Variants in KANK1 observed in about 807,000 individuals in gnomAD.
The protein encoded by KANK1 is KN motif and ankyrin repeat domains 1, also known as KN motif and ankyrin repeat domain-containing protein 1.
KANK1 carries 109 observed loss-of-function variants against 106.2 expected under a neutral mutation model. The ratio of observed to expected loss-of-function variants is 1.03; its 90% CI spans 0.88 to 1.20. The LOEUF is 1.20. KANK1 is among the 50% of genes most tolerant of loss of function. KANK1 has a pLI of 0.00. For synonymous variants in KANK1, 873 were observed against 652.2 expected (o/e 1.34, Z -5.16); for missense variants, 2,399 against 1,710.7 (o/e 1.40, Z -7.10).
At chr9:648,244 C>A (rs762339023) in intron 1 of KANK1, among the ~76,000 whole-genome samples, 3 of 151,864 alleles carry the variant, frequency 2.0e-5, no homozygotes, top group Non-Finnish European at 4.4e-5. Flanking sequence ...CCCTGTGATC[C>A]GCCTGCCCCA....
intron 11 of KANK1, chr9:744,903 C>T: frequency 1.4e-6 from 2 of 1,416,684 alleles, no homozygotes; most frequent in Admixed American, 5.8e-5. Context: ...ATGGTTCTGG[C>T]ATTGTTCCTG....
chr9:705,429 T>C (rs908182077), intron 2 of KANK1, among the ~76,000 whole-genome samples: 1 of 152,060 alleles, frequency 6.6e-6, no homozygotes, highest in African/African-American at 2.4e-5. Flanking sequence ...GAGGTTGCAG[T>C]GAGCCAAGAT....
intron 1 of KANK1, among the ~76,000 whole-genome samples, chr9:512,408 C>T (rs753935142): frequency 6.6e-6 from 1 of 152,016 alleles, no homozygotes; most frequent in Non-Finnish European, 1.5e-5. Context: ...CCCTCCAGCT[C>T]AGGGAGGCCG....
In KANK1 at chr9:711,704, A is replaced by G. The variant is rs1011494670; in HGVS notation, c.938A>G (p.Gln313Arg). The G allele has an allele frequency of 1.2e-6, 2 of 1,614,248 alleles. No individual in the cohort carries two copies. Among genetic ancestry groups the G allele is most frequent in the Admixed American group, 3.3e-5 (2 of 60,034 alleles). The change falls in exon 3 of 12, where the codon CAG becomes CGG. Residue 313 changes from glutamine to arginine, a missense_variant. Transcript: ENST00000382297. Reference protein sequence around the residue: ...SQLKNQRAASQINVCGVRKRS... With the variant: ...SQLKNQRAASRINVCGVRKRS... ...CTGAAAAACCAAAGGGCTGCATCCC[A>G]GATCAATGTCTGTGGTGTGAGGAAG...
At chr9:497,722 G>A (rs111685894) in intron 3 of KANK1, among the ~76,000 whole-genome samples, 24,986 of 151,858 alleles carry the variant, frequency 0.16, 4,097 homozygotes, top group African/African-American at 0.43. Context: ...GCGTGGTGGC[G>A]TGTGCCTGTG....
chr9:739,241 T>A (rs1834669188), intron 8 of KANK1, among the ~76,000 whole-genome samples: 1 of 152,200 alleles, frequency 6.6e-6, no homozygotes, highest in African/African-American at 2.4e-5. Flanking sequence ...ACCCCAAGTC[T>A]TTTAATTTTT....
chr9:734,580 T>C (rs1047454333), intron 6 of KANK1, 168 bp from the exon 7 acceptor site: 4 of 506,350 alleles, frequency 7.9e-6, no homozygotes, highest in Admixed American at 3.1e-5. Context: ...GCAGGAGGAT[T>C]GCTTGAATCC....
chr9:696,944 A>C, intron 2 of KANK1, among the ~76,000 whole-genome samples: 1 of 152,230 alleles, frequency 6.6e-6, no homozygotes, highest in East Asian at 1.9e-4. Context: ...ATTGATGCAC[A>C]GATGAAGAAA....
chr9:618,590 A>G lies in KANK1; in HGVS notation c.-83-58300A>G, dbSNP rs56132356. 9.3e-3 allele frequency among the ~76,000 whole-genome samples: 1,421 copies of G among 152,246 alleles called. 30 individuals are homozygous for G. The highest frequency in any genetic ancestry group is 0.033 in the African/African-American group (1,366 of 41,516). On this transcript the variant is annotated intron_variant, in intron 1 of 11. Coordinates refer to ENST00000382297, the MANE Select transcript of KANK1 (RefSeq NM_015158.5). ...CGGAACAATTTTTTTTAAAGCAAAGATTGCATCATTTAAAAAAACATATTC... is the reference window on the plus strand; with the variant it reads ...CGGAACAATTTTTTTTAAAGCAAAGGTTGCATCATTTAAAAAAACATATTC...
chr9:527,161 C>G (rs2059827470), intron 1 of KANK1, among the ~76,000 whole-genome samples: 1 of 151,708 alleles, frequency 6.6e-6, no homozygotes, highest in Admixed American at 6.6e-5. Context: ...GCTGTCCATT[C>G]ATCCTTTCTT....
intron 2 of KANK1, among the ~76,000 whole-genome samples, chr9:679,901 G>A (rs1885924): frequency 0.63 from 95,337 of 151,980 alleles, 30,681 homozygotes; most frequent in East Asian, 0.9. Context: ...GTATTACAAA[G>A]GAAACACCTC....
At chr9:677,808 A>G (rs529658433) in intron 2 of KANK1, among the ~76,000 whole-genome samples, 124 of 152,334 alleles carry the variant, frequency 8.1e-4, no homozygotes, top group African/African-American at 2.9e-3. Context: ...TGACAACATT[A>G]TATACTGGAG....
intron 1 of KANK1, among the ~76,000 whole-genome samples, chr9:578,054 C>T (rs1042109699): frequency 3.3e-5 from 5 of 152,122 alleles, no homozygotes; most frequent in African/African-American, 4.8e-5. Flanking sequence ...TGATCACTTC[C>T]TCCACAAGAA....
chr9:605,300 CAAA>C lies in KANK1; in HGVS notation c.-83-71572_-83-71570del, dbSNP rs34315668. Among the ~76,000 whole-genome samples, 222 of 106,792 alleles carry C rather than the reference CAAA, an allele frequency of 2.1e-3. 3 individuals are homozygous for C. The highest frequency in any genetic ancestry group is 7.7e-3 in the African/African-American group (202 of 26,220). The allele number at this position is 106,792 out of a possible 152,430, so 70.1% of individuals were successfully genotyped here. A position where few individuals can be genotyped will look rare whatever the true frequency, so the allele number is the denominator to read the frequency against. ...TGGGCAACAAAGTGAGACTCCGTCT[CAAA>C]AAAAAAAAAAAAAAAAATCTAATAC... On this transcript the variant is annotated intron_variant, in intron 1 of 11. Coordinates refer to ENST00000382297, the MANE Select transcript of KANK1 (RefSeq NM_015158.5).
chr9:481,551 CA>C (rs2058204845), intron 3 of KANK1, among the ~76,000 whole-genome samples: 1 of 152,090 alleles, frequency 6.6e-6, no homozygotes, highest in Admixed American at 6.6e-5. Context: ...TCAGAAAACT[CA>C]AAACTACTTT....
intron 7 of KANK1, among the ~76,000 whole-genome samples, chr9:736,150 G>A (rs995761134): frequency 6.6e-6 from 1 of 152,076 alleles, no homozygotes; most frequent in Non-Finnish European, 1.5e-5. Flanking sequence ...AGTAGAGACC[G>A]GGTTTCACCG....
At chr9:668,623 T>G (rs567618389) in intron 1 of KANK1, among the ~76,000 whole-genome samples, 3 of 152,316 alleles carry the variant, frequency 2.0e-5, no homozygotes, top group African/African-American at 7.2e-5. Flanking sequence ...GGGGTTTTTT[T>G]TAGTGTGTTT....
At chr9:501,615 C>T (rs936360390), upstream of KANK1, among the ~76,000 whole-genome samples, 1 of 131,800 alleles carries the variant, frequency 7.6e-6, no homozygotes, top group Middle Eastern at 3.4e-3. Context: ...CACAGACATA[C>T]ACACACACAC....
intron 2 of KANK1, among the ~76,000 whole-genome samples, chr9:682,565 T>C (rs1817783363): frequency 6.6e-6 from 1 of 152,246 alleles, no homozygotes; most frequent in South Asian, 2.1e-4. Flanking sequence ...TTTCTACCAG[T>C]TGAAGTATTC....
Sources: allele counts gnomAD v4.1 joint callset (sites outside exome capture counted in the v4.1 genomes callset), GRCh38; gene constraint gnomAD v4.1.1; transcripts MANE v1.5; gene names NCBI Gene and HGNC (gene_info 2026-07-23, HGNC 2026-07-21).